Variants in NBEA observed in about 807,000 individuals in gnomAD.
The protein encoded by NBEA is neurobeachin.
A neutral mutation model predicts 343.4 loss-of-function variants in NBEA; 44 were observed. That is an observed-to-expected ratio of 0.13 (90% confidence interval 0.10 to 0.16). The LOEUF (loss-of-function observed/expected upper bound fraction) is 0.16, where lower values mean the gene tolerates loss of function less well. Among genes scored for constraint, NBEA ranks in the 10% least tolerant of loss-of-function variants. The pLI, the probability that NBEA is intolerant of heterozygous loss-of-function variation, is 1.00. For missense variants in NBEA, 2,555 were observed against 3,631.3 expected (o/e 0.70, Z 7.62); for synonymous variants, 1,175 against 1,238.7 (o/e 0.95, Z 1.08).
At chr13:35,538,682 A>T (rs2078670502) in intron 41 of NBEA, among the ~76,000 whole-genome samples, 2 of 152,216 alleles carry the variant, frequency 1.3e-5, no homozygotes. Context: ...GAGGACACTG[A>T]ATAAACAGTG....
At chr13:35,585,739 G>A (rs1464297372) in intron 46 of NBEA, among the ~76,000 whole-genome samples, 3 of 151,716 alleles carry the variant, frequency 2.0e-5, no homozygotes, top group African/African-American at 7.3e-5. Flanking sequence ...TCATGTACCT[G>A]CTGTGGTTAA....
intron 8 of NBEA, among the ~76,000 whole-genome samples, chr13:35,066,678 A>G (rs2063664914): frequency 6.6e-6 from 1 of 151,854 alleles, no homozygotes; most frequent in Non-Finnish European, 1.5e-5. Context: ...ATCTTTGAAT[A>G]TTCTATAAAC....
chr13:35,403,954 C>T (rs2043126170), intron 38 of NBEA, among the ~76,000 whole-genome samples: 1 of 152,206 alleles, frequency 6.6e-6, no homozygotes, highest in African/African-American at 2.4e-5. Flanking sequence ...CATCAACAGA[C>T]ACTTCTCAAA....
Position 35,356,622 on chromosome 13 carries a change from A to AT in NBEA, c.6179+4305dup, listed in dbSNP as rs552769015. Among the ~76,000 whole-genome samples the AT allele has an allele frequency of 3.1e-3, 474 of 152,196 alleles. 4 individuals carry two copies. Among genetic ancestry groups the AT allele is most frequent in the African/African-American group, 0.01 (417 of 41,536 alleles). ...TTCTTCCATATTAGAGTGACCGTTG[A>AT]TTTTTTGTTTGGAGTTCATCCTACT... On this transcript the variant is annotated intron_variant, in intron 38 of 58. Transcript: ENST00000379939.
At chr13:35,290,503 T>A in intron 35 of NBEA, 53 bp downstream of exon 35, 1 of 1,291,718 alleles carries the variant, frequency 7.7e-7, no homozygotes, top group Non-Finnish European at 1.1e-6. Context: ...TTTTTGTGAC[T>A]AATAATAAAA....
intron 45 of NBEA, among the ~76,000 whole-genome samples, chr13:35,582,825 G>A (rs2081117293): frequency 6.6e-6 from 1 of 152,042 alleles, no homozygotes; most frequent in Non-Finnish European, 1.5e-5. Flanking sequence ...CAAAAGAAAA[G>A]GCTCATAACA....
At chr13:35,203,034 A>G (rs1238141219) in intron 31 of NBEA, among the ~76,000 whole-genome samples, 1 of 151,968 alleles carries the variant, frequency 6.6e-6, no homozygotes, top group Non-Finnish European at 1.5e-5. Flanking sequence ...AACCACCATC[A>G]TTTCTTGTTT....
intron 30 of NBEA, among the ~76,000 whole-genome samples, chr13:35,185,053 T>C (rs1391708874): frequency 6.6e-6 from 1 of 152,102 alleles, no homozygotes; most frequent in African/African-American, 2.4e-5. Context: ...CCTCCTCTGG[T>C]CACAGAACAG....
chr13:35,462,560 C>G (rs770838834), intron 40 of NBEA, among the ~76,000 whole-genome samples: 1 of 152,024 alleles, frequency 6.6e-6, no homozygotes, highest in Non-Finnish European at 1.5e-5. Context: ...CCTTAAGGAA[C>G]CTTGTTTTTA....
intron 33 of NBEA, among the ~76,000 whole-genome samples, chr13:35,224,478 A>G (rs1375383422): frequency 1.3e-5 from 2 of 152,066 alleles, no homozygotes; most frequent in African/African-American, 2.4e-5. Flanking sequence ...TTGTTTTAAT[A>G]TGTCTATATT....
Position 35,341,063 on chromosome 13 carries a change from T to C in NBEA, c.5904-8045T>C, listed in dbSNP as rs558594680. 3.9e-5 allele frequency among the ~76,000 whole-genome samples: 6 copies of C among 152,206 alleles called. No homozygotes were observed. In the East Asian group the frequency reaches 1.2e-3, roughly 29 times the overall value. ...AGTCTTACAGACAAATTTAATAGAATTGAGAGTCCACAAAGAAACCCATAT... is the reference window on the plus strand; with the variant it reads ...AGTCTTACAGACAAATTTAATAGAACTGAGAGTCCACAAAGAAACCCATAT... On this transcript the variant is annotated intron_variant, in intron 36 of 58. Transcript: ENST00000379939.
At chr13:35,225,502 A>C (rs1241923998) in intron 33 of NBEA, among the ~76,000 whole-genome samples, 3 of 152,036 alleles carry the variant, frequency 2.0e-5, no homozygotes, top group African/African-American at 7.2e-5. Flanking sequence ...TCCCTCCTTT[A>C]ACCTGGAGCA....
At chr13:35,380,704 A>G (rs1300686802) in intron 38 of NBEA, among the ~76,000 whole-genome samples, 1 of 152,112 alleles carries the variant, frequency 6.6e-6, no homozygotes, top group Non-Finnish European at 1.5e-5. Context: ...ATTTTATTAG[A>G]TTATGAGCAC....
chr13:35,087,479 A>G (rs141309606), intron 10 of NBEA, among the ~76,000 whole-genome samples: 3 of 152,070 alleles, frequency 2.0e-5, no homozygotes, highest in Admixed American at 1.3e-4. Flanking sequence ...TATTAACATC[A>G]TCATACAGCT....
intron 46 of NBEA, among the ~76,000 whole-genome samples, chr13:35,592,669 T>A (rs1470760680): frequency 2.6e-5 from 4 of 152,020 alleles, no homozygotes; most frequent in Non-Finnish European, 4.4e-5. Flanking sequence ...TTTTAGAGTG[T>A]GAAGAGGGGA....
At chr13:34,943,193 C>A in intron 1 of NBEA, 79 bp downstream of exon 1, 2 of 1,549,514 alleles carry the variant, frequency 1.3e-6, no homozygotes, top group South Asian at 1.2e-5. Context: ...TCCCACCCTT[C>A]ACCCCCAGGG....
chr13:35,447,494 A>ATG (rs2046106686), intron 39 of NBEA, among the ~76,000 whole-genome samples: 1 of 151,928 alleles, frequency 6.6e-6, no homozygotes, highest in South Asian at 2.1e-4. Flanking sequence ...AGAGCTTTAT[A>ATG]TATATATATA....
At chr13:35,611,599 C>A (rs1332511691) in intron 48 of NBEA, among the ~76,000 whole-genome samples, 1 of 152,186 alleles carries the variant, frequency 6.6e-6, no homozygotes, top group Non-Finnish European at 1.5e-5. Flanking sequence ...CAGCCCAAGG[C>A]AACTGCTAAT....
Position 35,347,257 on chromosome 13 carries a change from T to C in NBEA, c.5904-1851T>C, listed in dbSNP as rs2039932324. 5.3e-5 allele frequency among the ~76,000 whole-genome samples: 8 copies of C among 152,042 alleles called. No individual in the cohort carries two copies. In the South Asian group the frequency reaches 1.7e-3, roughly 31 times the overall value. On this transcript the variant is annotated intron_variant, in intron 36 of 58. Coordinates refer to ENST00000379939, the MANE Select transcript of NBEA (RefSeq NM_001385012.1). ...ACTTAGTATTTAGTAAGTACAGAAATTAAAACAAAGTTAAACCTATTTCCA... is the reference window on the plus strand; with the variant it reads ...ACTTAGTATTTAGTAAGTACAGAAACTAAAACAAAGTTAAACCTATTTCCA...
Sources: gnomAD v4.1 joint callset for allele counts (sites outside exome capture counted in the v4.1 genomes callset) on GRCh38, gnomAD v4.1.1 for gene constraint, MANE v1.5 for transcripts, NCBI Gene and HGNC (gene_info 2026-07-23, HGNC 2026-07-21) for gene names.